Variants in CNTNAP4 observed in about 807,000 individuals in gnomAD.
CNTNAP4 encodes contactin associated protein family member 4, also known as contactin-associated protein-like 4.
A neutral mutation model predicts 148.4 loss-of-function variants in CNTNAP4; 98 were observed. The observed-to-expected ratio is 0.66, with a 90% confidence interval of 0.56 to 0.78. The LOEUF is 0.78. Ranked by LOEUF, CNTNAP4 falls within the 30% of genes least tolerant of loss-of-function variation. CNTNAP4 has a pLI of 0.00. For synonymous variants in CNTNAP4, 730 were observed against 565.1 expected, an observed-to-expected ratio of 1.29 and a Z score of -4.14; for missense variants, 1,935 against 1,565.6, an observed-to-expected ratio of 1.24 and a Z score of -3.98.
In CNTNAP4 at chr16:76,458,440, A is replaced by C. The variant is rs1288285882; in HGVS notation, c.1334-3516A>C. Among the ~76,000 whole-genome samples, 4 of 152,162 alleles carry C rather than the reference A, an allele frequency of 2.6e-5. 1 individual carries two copies. The highest frequency in any genetic ancestry group is 5.9e-5 in the Non-Finnish European group (4 of 68,036). On this transcript the variant is annotated intron_variant, in intron 8 of 23. Transcript: ENST00000611870. ...TATTGTAATATATAGTGAAATAATTATACAACTCATCATAATGTGGAATCA... is the reference window on the plus strand; with the variant it reads ...TATTGTAATATATAGTGAAATAATTCTACAACTCATCATAATGTGGAATCA...
chr16:76,540,863 T>C lies in CNTNAP4; in HGVS notation c.3442+73T>C, dbSNP rs138215438. The C allele has an allele frequency of 1.2e-4, 119 of 1,000,636 alleles. No individual in the cohort carries two copies. The African/African-American group carries it at 1.6e-3, about 13-fold the overall frequency. The allele number at this position is 1,000,636 out of a possible 1,614,324, so 62.0% of individuals were successfully genotyped here. A position where few individuals can be genotyped will look rare whatever the true frequency, so the allele number is the denominator to read the frequency against. ...ATAAGCATGGATCAGAAAAGTCATA[T>C]TACACACACCCACTTCGTCATGGCA... On this transcript the variant is annotated intron_variant, in intron 21 of 23. Transcript: ENST00000611870.
chr16:76,317,263 A>AC (rs1961869740), intron 2 of CNTNAP4, among the ~76,000 whole-genome samples: 4 of 130,566 alleles, frequency 3.1e-5, no homozygotes, highest in African/African-American at 9.3e-5. Context: ...AAAAAAAAAA[A>AC]ACAAAAAAAA....
intron 3 of CNTNAP4, among the ~76,000 whole-genome samples, chr16:76,372,174 C>T (rs1255316531): frequency 7.1e-6 from 1 of 141,288 alleles, no homozygotes; most frequent in African/African-American, 2.6e-5. Flanking sequence ...GAGTCCCACT[C>T]TGTTGCCCAG....
At chr16:76,489,659 C>G (rs1428187915) in intron 12 of CNTNAP4, 27 bp from the exon 13 acceptor site, 3 of 1,376,234 alleles carry the variant, frequency 2.2e-6, no homozygotes, top group African/African-American at 2.9e-5. Context: ...GGTCTCCTCT[C>G]TTTCTCCCCC....
At chr16:76,362,812 C>G (rs1360354956) in intron 3 of CNTNAP4, among the ~76,000 whole-genome samples, 1 of 152,088 alleles carries the variant, frequency 6.6e-6, no homozygotes, top group Non-Finnish European at 1.5e-5. Context: ...ATGCTTATTA[C>G]CTAGGTCACA....
At chr16:76,294,902 G>A (rs558281628) in intron 1 of CNTNAP4, among the ~76,000 whole-genome samples, 1 of 152,158 alleles carries the variant, frequency 6.6e-6, no homozygotes, top group African/African-American at 2.4e-5. Flanking sequence ...GATACACAAT[G>A]CTTTTGTGAC....
intron 4 of CNTNAP4, among the ~76,000 whole-genome samples, chr16:76,440,642 A>G (rs751619897): frequency 2.0e-5 from 3 of 152,166 alleles, no homozygotes; most frequent in Non-Finnish European, 4.4e-5. Context: ...CATCTGCCTC[A>G]GAATCATTTA....
chr16:76,412,199 A>G (rs1327241708), intron 3 of CNTNAP4, among the ~76,000 whole-genome samples: 1 of 151,446 alleles, frequency 6.6e-6, no homozygotes, highest in African/African-American at 2.4e-5. Context: ...AAACAATACA[A>G]TTAAAAATAT....
chr16:76,339,391 T>G (rs17766465), intron 2 of CNTNAP4, among the ~76,000 whole-genome samples: 28,712 of 152,052 alleles, frequency 0.19, 3,559 homozygotes, highest in East Asian at 0.49. Flanking sequence ...ATATAAACTT[T>G]AAACACTTAA....
intron 2 of CNTNAP4, among the ~76,000 whole-genome samples, chr16:76,339,334 A>G (rs1054828827): frequency 6.6e-6 from 1 of 152,172 alleles, no homozygotes; most frequent in Non-Finnish European, 1.5e-5. Context: ...TTCCTAGCTT[A>G]AAAAGCTACT....
chr16:76,360,899 C>T (rs938409160), intron 3 of CNTNAP4, among the ~76,000 whole-genome samples: 8 of 149,070 alleles, frequency 5.4e-5, no homozygotes, highest in Non-Finnish European at 1.0e-4. Context: ...TCACTGCAAG[C>T]TCCACCTCCT....
At chr16:76,492,724 A>G (rs570999405) in intron 13 of CNTNAP4, among the ~76,000 whole-genome samples, 4 of 152,250 alleles carry the variant, frequency 2.6e-5, no homozygotes, top group South Asian at 2.1e-4. Context: ...TGTACAAGCT[A>G]TCTTGCTTGC....
chr16:76,351,622 C>T (rs1280877040), intron 2 of CNTNAP4, among the ~76,000 whole-genome samples: 2 of 152,200 alleles, frequency 1.3e-5, no homozygotes, highest in Non-Finnish European at 2.9e-5. Flanking sequence ...ATTTCCATTA[C>T]TTTATCAGTG....
At chr16:76,446,236 C>T (rs574984296) in intron 4 of CNTNAP4, among the ~76,000 whole-genome samples, 4 of 152,122 alleles carry the variant, frequency 2.6e-5, no homozygotes, top group Non-Finnish European at 5.9e-5. Context: ...GCTATAATAA[C>T]TTTGTCACAT....
intron 3 of CNTNAP4, among the ~76,000 whole-genome samples, chr16:76,356,796 G>C (rs1029340885): frequency 6.6e-6 from 1 of 151,972 alleles, no homozygotes; most frequent in Admixed American, 6.6e-5. Context: ...AAACTTCATA[G>C]AACTCCGTTA....
At chr16:76,357,428 A>G (rs61549342) in intron 3 of CNTNAP4, among the ~76,000 whole-genome samples, 3,348 of 152,314 alleles carry the variant, frequency 0.022, 97 homozygotes, top group African/African-American at 0.077. Context: ...ATTAAAGTTG[A>G]GGCGCTCATG....
intron 3 of CNTNAP4, among the ~76,000 whole-genome samples, chr16:76,357,313 A>G (rs1398304733): frequency 6.6e-6 from 1 of 152,192 alleles, no homozygotes; most frequent in Non-Finnish European, 1.5e-5. Context: ...ATTAAAATGT[A>G]TTTTTTTAAA....
At chr16:76,309,753 G>A (rs910117423) in intron 1 of CNTNAP4, 3 of 670,998 alleles carry the variant, frequency 4.5e-6, no homozygotes, top group South Asian at 1.6e-5. Flanking sequence ...GGGTTTGGGC[G>A]GAGGGGGTGG....
chr16:76,334,174 A>G (rs1963809049), intron 2 of CNTNAP4, among the ~76,000 whole-genome samples: 1 of 128,978 alleles, frequency 7.8e-6, no homozygotes, highest in African/African-American at 3.1e-5. Flanking sequence ...TAAAACTTAA[A>G]GTATAATAAT....
Sources: gnomAD v4.1 joint callset for allele counts (sites outside exome capture counted in the v4.1 genomes callset) on GRCh38, gnomAD v4.1.1 for gene constraint, MANE v1.5 for transcripts, NCBI Gene and HGNC (gene_info 2026-07-23, HGNC 2026-07-21) for gene names.